The following ZFHX4 variants were observed in gnomAD, a reference collection of about 807,000 sequenced individuals.
The protein encoded by ZFHX4 is zinc finger homeobox protein 4.
A neutral mutation model predicts 267.6 loss-of-function variants in ZFHX4; 56 were observed. The ratio of observed to expected loss-of-function variants is 0.21; its 90% CI spans 0.17 to 0.26. The LOEUF (loss-of-function observed/expected upper bound fraction) is 0.26, where lower values mean the gene tolerates loss of function less well. Ranked by LOEUF, ZFHX4 falls within the 10% of genes least tolerant of loss-of-function variation. The probability of loss-of-function intolerance (pLI) is 1.00; values close to 1 mark genes in which losing one functional copy is unlikely to be tolerated. For missense variants in ZFHX4, 4,332 were observed against 4,420.0 expected, an observed-to-expected ratio of 0.98 and a Z score of 0.56; for synonymous variants, 1,778 against 1,665.6, an observed-to-expected ratio of 1.07 and a Z score of -1.64.
intron 3 of ZFHX4, among the ~76,000 whole-genome samples, chr8:76,709,510 T>G (rs78807756): frequency 6.6e-6 from 1 of 152,100 alleles, no homozygotes; most frequent in African/African-American, 2.4e-5. Context: ...ATTAAAACTT[T>G]TAAAATACCT....
At chr8:76,724,992 T>G (rs1007717705) in intron 3 of ZFHX4, among the ~76,000 whole-genome samples, 12 of 151,420 alleles carry the variant, frequency 7.9e-5, no homozygotes, top group African/African-American at 2.9e-4. Flanking sequence ...GATATAAGTG[T>G]GTGTGTACAG....
chr8:76,720,697 G>T (rs2131638898), intron 3 of ZFHX4, among the ~76,000 whole-genome samples: 1 of 152,144 alleles, frequency 6.6e-6, no homozygotes, highest in South Asian at 2.1e-4. Context: ...GTTCTTCTCT[G>T]ACTGACTAGC....
chr8:76,729,496 T>C (rs1225855260), intron 3 of ZFHX4, among the ~76,000 whole-genome samples: 1 of 152,186 alleles, frequency 6.6e-6, no homozygotes, highest in Non-Finnish European at 1.5e-5. Context: ...CTAATTTTCA[T>C]GGTTTTAGAG....
At chr8:76,722,472 G>C (rs1376346082) in intron 3 of ZFHX4, among the ~76,000 whole-genome samples, 2 of 151,884 alleles carry the variant, frequency 1.3e-5, no homozygotes, top group Non-Finnish European at 2.9e-5. Flanking sequence ...GGGTATAGGG[G>C]AATGTCTCAG....
At chr8:76,786,761 C>T (rs2131796187) in intron 4 of ZFHX4, among the ~76,000 whole-genome samples, 1 of 152,264 alleles carries the variant, frequency 6.6e-6, no homozygotes, top group African/African-American at 2.4e-5. Flanking sequence ...ATAAGTAGAA[C>T]TTCGGGCAGG....
chr8:76,702,963 G>GACACACACACAC (rs33934020), intron 1 of ZFHX4, among the ~76,000 whole-genome samples: 1 of 147,588 alleles, frequency 6.8e-6, no homozygotes, highest in African/African-American at 2.5e-5. Context: ...TCTCAGGCAA[G>GACACACACACAC]ACACACACAC....
chr8:76,784,702 A>G (rs1810642971), intron 4 of ZFHX4, among the ~76,000 whole-genome samples: 1 of 152,110 alleles, frequency 6.6e-6, no homozygotes, highest in Non-Finnish European at 1.5e-5. Flanking sequence ...ATTACCAAAA[A>G]CAACCATCCT....
intron 1 of ZFHX4, among the ~76,000 whole-genome samples, chr8:76,688,079 G>T (rs1807736773): frequency 6.6e-6 from 1 of 152,176 alleles, no homozygotes; most frequent in Non-Finnish European, 1.5e-5. Context: ...TGACAATAGT[G>T]CAGCTAGAAG....
chr8:76,693,799 T>A (rs1288770247), intron 1 of ZFHX4, among the ~76,000 whole-genome samples: 1 of 152,098 alleles, frequency 6.6e-6, no homozygotes, highest in Non-Finnish European at 1.5e-5. Context: ...AGGGTGCAGA[T>A]TAGGAATCAT....
intron 4 of ZFHX4, among the ~76,000 whole-genome samples, chr8:76,789,040 G>T (rs1161238233): frequency 6.6e-6 from 1 of 152,122 alleles, no homozygotes; most frequent in Non-Finnish European, 1.5e-5. Context: ...GTCATTATAT[G>T]GTAGACAAAG....
At chr8:76,834,081 C>T (rs765166530) in intron 5 of ZFHX4, 2 of 415,400 alleles carry the variant, frequency 4.8e-6, no homozygotes, top group South Asian at 1.8e-5. Flanking sequence ...CCTTTTAGTG[C>T]TGAATAATAT....
intron 4 of ZFHX4, among the ~76,000 whole-genome samples, chr8:76,826,210 C>T (rs1312209612): frequency 1.3e-5 from 2 of 152,150 alleles, no homozygotes; most frequent in Admixed American, 6.5e-5. Flanking sequence ...CTCTTTTAAA[C>T]AACCACATCT....
Position 76,864,838 on chromosome 8 carries a change from G to T in ZFHX4, c.*273G>T. On this transcript the variant is annotated 3_prime_UTR_variant, in exon 11 of 11. Coordinates refer to ENST00000651372, the MANE Select transcript of ZFHX4 (RefSeq NM_024721.5). ...CAAGTTCTTTTGGAACTTGTTTCAA[G>T]CCAAAAACTCTCAAGAAAGCAAATT... 4.3e-6 allele frequency: 1 copy of T among 234,778 alleles called. No individual in the cohort carries two copies. Among genetic ancestry groups the T allele is most frequent in the Non-Finnish European group, 8.2e-6 (1 of 121,822 alleles). 14.5% of individuals were successfully genotyped at this position (234,778 alleles called of 1,614,324 possible). A position where few individuals can be genotyped will look rare whatever the true frequency, so the allele number is the denominator to read the frequency against.
chr8:76,857,963 TAGA>T (rs1358205462), intron 10 of ZFHX4, among the ~76,000 whole-genome samples: 15 of 152,000 alleles, frequency 9.9e-5, no homozygotes, highest in Admixed American at 9.8e-4. Context: ...TTAAGTAAAA[TAGA>T]AGAGTTTTGA....
intron 3 of ZFHX4, among the ~76,000 whole-genome samples, chr8:76,764,114 G>A (rs939091244): frequency 2.0e-5 from 3 of 152,048 alleles, no homozygotes; most frequent in Non-Finnish European, 4.4e-5. Context: ...AAAAGAATTT[G>A]GGATTACATA....
At chr8:76,836,704 T>A (rs1444471225) in intron 5 of ZFHX4, among the ~76,000 whole-genome samples, 1 of 151,850 alleles carries the variant, frequency 6.6e-6, no homozygotes, top group Admixed American at 6.6e-5. Flanking sequence ...GTAAGTGAAA[T>A]AGTAAGCTAT....
At chr8:76,749,621 A>G (rs1563499770) in intron 3 of ZFHX4, among the ~76,000 whole-genome samples, 1 of 152,188 alleles carries the variant, frequency 6.6e-6, no homozygotes, top group Non-Finnish European at 1.5e-5. Flanking sequence ...TTAGCCTAGA[A>G]TTCTAGAACT....
Position 76,855,608 on chromosome 8 carries a change from C to T in ZFHX4, c.8687C>T (p.Ala2896Val), listed in dbSNP as rs367701727. ...FYITDDPDDN[A>V]DRSETSSIAD... ...ATCACAGATGACCCGGATGACAACG[C>T]CGACCGCAGCGAAACGTCCAGCATA... The change falls in exon 10 of 11, where the codon GCC becomes GTC. Residue 2896 changes from alanine (A) to valine (V), a missense_variant. Around this residue, in one of 7 missense-constraint regions of ZFHX4, gnomAD observed 1,648 missense variants for 1,625.0 expected, o/e 1.01. Coordinates refer to ENST00000651372, the MANE Select transcript of ZFHX4 (RefSeq NM_024721.5). 96 of 1,613,758 alleles carry T rather than the reference C, an allele frequency of 5.9e-5. No individual in the cohort carries two copies. In the East Asian group the frequency reaches 8.0e-4, roughly 13 times the overall value.
At chr8:76,751,023 T>G (rs7841622) in intron 3 of ZFHX4, among the ~76,000 whole-genome samples, 46,022 of 152,010 alleles carry the variant, frequency 0.3, 10,078 homozygotes, top group African/African-American at 0.61. Context: ...ATAGGAATAT[T>G]TTCCTGTCTC....
Sources: allele counts gnomAD v4.1 joint callset (sites outside exome capture counted in the v4.1 genomes callset), GRCh38; gene constraint gnomAD v4.1.1; regional missense constraint gnomAD v4.1.1; transcripts MANE v1.5; gene names NCBI Gene and HGNC (gene_info 2026-07-23, HGNC 2026-07-21).